Variants in TAFA2 observed in about 807,000 individuals in gnomAD.
TAFA2 encodes the protein TAFA chemokine like family member 2.
A neutral mutation model predicts 18.8 loss-of-function variants in TAFA2; 7 were observed. That is an observed-to-expected ratio of 0.37 (90% CI 0.21 to 0.70). The LOEUF is 0.70. Ranked by LOEUF, TAFA2 falls within the 30% of genes least tolerant of loss-of-function variation. The pLI, the probability that TAFA2 is intolerant of heterozygous loss-of-function variation, is 0.53. For synonymous variants in TAFA2, 60 were observed against 54.2 expected (o/e 1.11, Z -0.47); for missense variants, 122 against 158.1 (o/e 0.77, Z 1.23).
chr12:62,151,031 G>A (rs1415213877), intron 1 of TAFA2, among the ~76,000 whole-genome samples: 2 of 150,690 alleles, frequency 1.3e-5, no homozygotes, highest in Admixed American at 6.6e-5. Flanking sequence ...AAATCCACAT[G>A]AACTTTCTTC....
At chr12:61,911,671 T>G (rs1331135435) in intron 1 of TAFA2, among the ~76,000 whole-genome samples, 1 of 152,038 alleles carries the variant, frequency 6.6e-6, no homozygotes, top group Non-Finnish European at 1.5e-5. Context: ...AAAACCAGGT[T>G]TGGTACCAGA....
chr12:61,890,095 G>C (rs1214467499), intron 1 of TAFA2, among the ~76,000 whole-genome samples: 1 of 152,190 alleles, frequency 6.6e-6, no homozygotes. Flanking sequence ...ACTGTACCAT[G>C]AGCATTACAT....
At chr12:61,748,851 G>C (rs2120735502) in intron 4 of TAFA2, among the ~76,000 whole-genome samples, 1 of 151,960 alleles carries the variant, frequency 6.6e-6, no homozygotes, top group South Asian at 2.1e-4. Flanking sequence ...AGAGAAATTT[G>C]AAATTGAATC....
intron 1 of TAFA2, chr12:61,880,831 G>T: frequency 3.4e-6 from 1 of 293,106 alleles, no homozygotes; most frequent in Non-Finnish European, 6.7e-6. Flanking sequence ...GAGCCCATGA[G>T]AGAGGCCACT....
chr12:61,894,238 T>G (rs1489254020), intron 1 of TAFA2, among the ~76,000 whole-genome samples: 2 of 152,208 alleles, frequency 1.3e-5, no homozygotes, highest in African/African-American at 4.8e-5. Context: ...AAATTAGACA[T>G]TCCTAAATAA....
In TAFA2 at chr12:62,014,519, C is replaced by G. The variant is rs80115778; in HGVS notation, c.-1-147093G>C. ...TATTGGTGCATACCTGCAGTTCCAGCTAGTCAGAGGGCTGAGGCAGAAGGA... is the reference window on the plus strand; with the variant it reads ...TATTGGTGCATACCTGCAGTTCCAGGTAGTCAGAGGGCTGAGGCAGAAGGA... On this transcript the variant is annotated intron_variant, in intron 1 of 4. Transcript: ENST00000416284. 5.9e-3 allele frequency among the ~76,000 whole-genome samples: 894 copies of G among 152,196 alleles called. 11 individuals are homozygous for G. Among genetic ancestry groups the G allele is most frequent in the African/African-American group, 0.021 (854 of 41,528 alleles).
chr12:61,996,442 G>A (rs1880190853), intron 1 of TAFA2, among the ~76,000 whole-genome samples: 1 of 152,304 alleles, frequency 6.6e-6, no homozygotes, highest in South Asian at 2.1e-4. Context: ...GTGGGACACT[G>A]CAGAATCGCT....
chr12:62,234,657 C>T (rs931114122), intron 1 of TAFA2: 17 of 890,354 alleles, frequency 1.9e-5, no homozygotes, highest in Admixed American at 5.3e-5. Context: ...AAGGTAGGAG[C>T]GTTTGGTATA....
intron 1 of TAFA2, among the ~76,000 whole-genome samples, chr12:62,213,079 C>T (rs1169866230): frequency 3.9e-5 from 6 of 152,114 alleles, no homozygotes; most frequent in Admixed American, 6.5e-5. Context: ...AATTCATACC[C>T]GGGAGCCACT....
At chr12:62,126,110 T>C (rs980672941) in intron 1 of TAFA2, among the ~76,000 whole-genome samples, 1 of 152,132 alleles carries the variant, frequency 6.6e-6, no homozygotes, top group African/African-American at 2.4e-5. Context: ...ATTTGAAATA[T>C]AGCTCCCCAT....
chr12:61,979,012 AT>A (rs1339318704), intron 1 of TAFA2, among the ~76,000 whole-genome samples: 9 of 152,208 alleles, frequency 5.9e-5, no homozygotes, highest in East Asian at 1.9e-4. Flanking sequence ...TGTGAAATTC[AT>A]TTTCACGGAA....
intron 1 of TAFA2, chr12:62,234,633 C>T: frequency 1.2e-6 from 1 of 837,466 alleles, no homozygotes; most frequent in East Asian, 2.4e-5. Flanking sequence ...CATGTGCTTG[C>T]ACTGGTGGCT....
At chr12:62,007,052 G>T (rs1460748022) in intron 1 of TAFA2, among the ~76,000 whole-genome samples, 1 of 152,178 alleles carries the variant, frequency 6.6e-6, no homozygotes, top group Non-Finnish European at 1.5e-5. Flanking sequence ...GGGTGATGAA[G>T]ATGCGTCCTG....
chr12:62,136,853 C>T (rs1343750827), intron 1 of TAFA2, among the ~76,000 whole-genome samples: 1 of 152,112 alleles, frequency 6.6e-6, no homozygotes, highest in East Asian at 1.9e-4. Context: ...GGGGGACATG[C>T]ACCCCTTTGA....
intron 4 of TAFA2, among the ~76,000 whole-genome samples, chr12:61,738,879 A>G (rs1868353591): frequency 6.6e-6 from 1 of 152,104 alleles, no homozygotes; most frequent in South Asian, 2.1e-4. Flanking sequence ...AGTTATTTCC[A>G]CATTAGTATT....
At chr12:62,059,102 C>CA (rs1241074785) in intron 1 of TAFA2, among the ~76,000 whole-genome samples, 2,187 of 102,134 alleles carry the variant, frequency 0.021, 51 homozygotes, top group African/African-American at 0.064. Flanking sequence ...GACTCCGTCT[C>CA]AAAAAAAATA....
intron 1 of TAFA2, among the ~76,000 whole-genome samples, chr12:62,073,176 A>G (rs1167752639): frequency 6.6e-6 from 1 of 152,238 alleles, no homozygotes; most frequent in Non-Finnish European, 1.5e-5. Flanking sequence ...AAGACAAAGA[A>G]TAGAGACTGG....
intron 1 of TAFA2, among the ~76,000 whole-genome samples, chr12:61,950,969 T>G (rs112398682): frequency 0.013 from 1,953 of 152,296 alleles, 51 homozygotes; most frequent in African/African-American, 0.044. Flanking sequence ...TTCTTTGGAC[T>G]GGAGCCTATT....
intron 2 of TAFA2, among the ~76,000 whole-genome samples, chr12:61,797,360 C>T (rs1034539868): frequency 3.9e-5 from 6 of 152,048 alleles, no homozygotes; most frequent in Admixed American, 6.6e-5. Flanking sequence ...GAAAAAAAAT[C>T]CAGAAAAAGT....
Sources: allele counts gnomAD v4.1 joint callset (sites outside exome capture counted in the v4.1 genomes callset), GRCh38; gene constraint gnomAD v4.1.1; transcripts MANE v1.5; gene names NCBI Gene and HGNC (gene_info 2026-07-23, HGNC 2026-07-21).